RAB27B: variants seen among roughly 807,000 people sequenced by gnomAD.
RAB27B encodes RAB27B, member RAS oncogene family.
In RAB27B, 15 loss-of-function variants were observed where a neutral mutation model predicts 24.6. The ratio of observed to expected loss-of-function variants is 0.61; its 90% confidence interval spans 0.41 to 0.94. The LOEUF is 0.94. Among genes scored for constraint, RAB27B ranks in the 40% least tolerant of loss-of-function variants. The pLI is 0.00. For missense variants in RAB27B, 261 were observed against 266.8 expected (o/e 0.98, Z 0.15); for synonymous variants, 105 against 92.5 (o/e 1.14, Z -0.78).
chr18:54,769,061 C>T (rs1313261545), intron 2 of RAB27B, among the ~76,000 whole-genome samples: 1 of 152,110 alleles, frequency 6.6e-6, no homozygotes, highest in Non-Finnish European at 1.5e-5. Context: ...TAACTCATTG[C>T]AGCATTAACT....
At chr18:54,856,058 C>A (rs1488667102) in intron 1 of RAB27B, among the ~76,000 whole-genome samples, 1 of 152,140 alleles carries the variant, frequency 6.6e-6, no homozygotes, top group Non-Finnish European at 1.5e-5. Flanking sequence ...GTGGGAAAAG[C>A]AAGTGATAAT....
At chr18:54,832,284 AT>A (rs1228391743) in intron 1 of RAB27B, among the ~76,000 whole-genome samples, 1 of 152,174 alleles carries the variant, frequency 6.6e-6, no homozygotes, top group Non-Finnish European at 1.5e-5. Context: ...AATAAATTGG[AT>A]AAAGGTGGAG....
At chr18:54,770,463 C>T (rs1908508492) in intron 2 of RAB27B, among the ~76,000 whole-genome samples, 1 of 151,888 alleles carries the variant, frequency 6.6e-6, no homozygotes, top group African/African-American at 2.4e-5. Flanking sequence ...TCCCATCACC[C>T]CCCAGATGGG....
At chr18:54,739,520 T>C (rs1370885131) in intron 2 of RAB27B, among the ~76,000 whole-genome samples, 1 of 150,264 alleles carries the variant, frequency 6.7e-6, no homozygotes, top group Non-Finnish European at 1.5e-5. Flanking sequence ...CCTGTTGATG[T>C]ACCCTTAAAT....
chr18:54,848,593 T>G (rs1911431673), intron 1 of RAB27B, among the ~76,000 whole-genome samples: 1 of 152,182 alleles, frequency 6.6e-6, no homozygotes, highest in Non-Finnish European at 1.5e-5. Context: ...AACAAAAATT[T>G]GATTCAATTA....
intron 2 of RAB27B, among the ~76,000 whole-genome samples, chr18:54,763,533 G>C (rs1451540170): frequency 6.6e-6 from 1 of 152,140 alleles, no homozygotes; most frequent in African/African-American, 2.4e-5. Flanking sequence ...TAGCAAATAA[G>C]ATCATGGATG....
At chr18:54,848,087 G>A (rs1166593248) in intron 1 of RAB27B, among the ~76,000 whole-genome samples, 6 of 152,190 alleles carry the variant, frequency 3.9e-5, no homozygotes, top group Non-Finnish European at 5.9e-5. Context: ...ACAACGATTT[G>A]AACAGTTGGC....
chr18:54,836,840 G>T (rs79089900), intron 1 of RAB27B, among the ~76,000 whole-genome samples: 1 of 152,138 alleles, frequency 6.6e-6, no homozygotes, highest in Non-Finnish European at 1.5e-5. Flanking sequence ...CATGCTTCAA[G>T]GAGCAAAATT....
chr18:54,879,989 C>G (rs1912858175), intron 3 of RAB27B: 1 of 153,758 alleles, frequency 6.5e-6, no homozygotes, highest in Admixed American at 6.4e-5. Context: ...CATATTTCTT[C>G]TCTTCTATGA....
chr18:54,784,231 T>C (rs1355484801), intron 2 of RAB27B, among the ~76,000 whole-genome samples: 1 of 152,244 alleles, frequency 6.6e-6, no homozygotes, highest in African/African-American at 2.4e-5. Context: ...AATCAAATAA[T>C]ATCCAAATTT....
chr18:54,785,251 A>G (rs1431424098), intron 2 of RAB27B, among the ~76,000 whole-genome samples: 1 of 113,440 alleles, frequency 8.8e-6, no homozygotes, highest in Non-Finnish European at 1.8e-5. Flanking sequence ...ACAGGTGTGC[A>G]TCAGCATGTC....
upstream of RAB27B, chr18:54,828,093 G>T (rs3764512): frequency 0.19 from 28,707 of 151,818 alleles, 3,509 homozygotes; most frequent in East Asian, 0.39. Context: ...TTTATTTCCC[G>T]AGGCCATCCT....
At chr18:54,865,862 G>A (rs1461947107) in intron 1 of RAB27B, among the ~76,000 whole-genome samples, 1 of 152,174 alleles carries the variant, frequency 6.6e-6, no homozygotes, top group Non-Finnish European at 1.5e-5. Flanking sequence ...GGATATATAA[G>A]CAGGATGCCT....
intron 2 of RAB27B, among the ~76,000 whole-genome samples, chr18:54,734,652 T>G (rs973951148): frequency 1.3e-5 from 2 of 152,218 alleles, no homozygotes; most frequent in Admixed American, 6.5e-5. Context: ...GATATATTTA[T>G]ATGAATATTT....
chr18:54,800,887 TAAGTA>T (rs1909579334), intron 2 of RAB27B, among the ~76,000 whole-genome samples: 1 of 152,106 alleles, frequency 6.6e-6, no homozygotes, highest in African/African-American at 2.4e-5. Context: ...TCATATATAA[TAAGTA>T]AAGTACTAAA....
chr18:54,790,757 A>G (rs932349480), intron 2 of RAB27B, among the ~76,000 whole-genome samples: 6 of 152,212 alleles, frequency 3.9e-5, no homozygotes, highest in African/African-American at 1.4e-4. Flanking sequence ...ATTAAGTGCT[A>G]TCTCTAAAAA....
intron 1 of RAB27B, among the ~76,000 whole-genome samples, chr18:54,844,763 T>C (rs957020299): frequency 2.0e-5 from 3 of 152,172 alleles, no homozygotes; most frequent in Non-Finnish European, 2.9e-5. Flanking sequence ...ATCTACTATG[T>C]TGCAGCATCC....
intron 2 of RAB27B, among the ~76,000 whole-genome samples, chr18:54,791,810 G>T (rs374590150): frequency 6.6e-6 from 1 of 152,190 alleles, no homozygotes; most frequent in Admixed American, 6.5e-5. Context: ...CATCTAGAGC[G>T]CACGCTGGCT....
At chr18:54,792,322 C>T (rs777153663) in intron 2 of RAB27B, among the ~76,000 whole-genome samples, 1 of 152,142 alleles carries the variant, frequency 6.6e-6, no homozygotes, top group Non-Finnish European at 1.5e-5. Context: ...AACAAGGGAA[C>T]CTTTCGCCTT....
Sources: gnomAD v4.1 joint callset for allele counts (sites outside exome capture counted in the v4.1 genomes callset) on GRCh38, gnomAD v4.1.1 for gene constraint, MANE v1.5 for transcripts, NCBI Gene and HGNC (gene_info 2026-07-23, HGNC 2026-07-21) for gene names.